The following ATP6V0D1 variants were observed in gnomAD, a reference collection of about 807,000 sequenced individuals.
ATP6V0D1 encodes ATPase H+ transporting V0 subunit d1.
Under a neutral mutation model 39.0 loss-of-function variants are expected in ATP6V0D1, and 13 were observed. That is an observed-to-expected ratio of 0.33 (90% confidence interval 0.22 to 0.53). The LOEUF (loss-of-function observed/expected upper bound fraction) is 0.53, where lower values mean the gene tolerates loss of function less well. Ranked by LOEUF, ATP6V0D1 falls within the 20% of genes least tolerant of loss-of-function variation. The pLI, the probability that ATP6V0D1 is intolerant of heterozygous loss-of-function variation, is 0.94. For missense variants in ATP6V0D1, 272 were observed against 470.9 expected, an observed-to-expected ratio of 0.58 and a Z score of 3.91; for synonymous variants, 191 against 191.2, an observed-to-expected ratio of 1.00 and a Z score of 0.01.
chr16:67,443,308 C>T lies in ATP6V0D1; in HGVS notation c.482-130G>A, dbSNP rs1365365582. 5 of 823,924 alleles carry T rather than the reference C, an allele frequency of 6.1e-6. No individual in the cohort carries two copies. In the East Asian group the frequency reaches 1.3e-4, roughly 21 times the overall value. The allele number at this position is 823,924 out of a possible 1,614,324, so 51.0% of individuals were successfully genotyped here. A position where few individuals can be genotyped will look rare whatever the true frequency, so the allele number is the denominator to read the frequency against. On this transcript the variant is annotated intron_variant, in intron 3 of 7. Transcript: ENST00000290949. ...GGGCTGGGTATTGAGGGGTCCCCAG[C>T]CTAGGCTGTTGCCTTGGAAGTGGCA...
Position 67,453,854 on chromosome 16 carries a change from T to A in ATP6V0D1, c.131-139A>T. On this transcript the variant is annotated intron_variant, in intron 1 of 7. Coordinates refer to ENST00000290949, the MANE Select transcript of ATP6V0D1 (RefSeq NM_004691.5). This position sits in a 1 kb window ranked among gnomAD's most constrained non-coding sequence, Gnocchi z 4.1. ...TACTACCCTGATCTCCATCTCCCTG[T>A]TGGCTCAGGGCCTACCACAGGGCAA... is the stretch of plus-strand genomic sequence containing the variant. 1 of 797,046 alleles carries A rather than the reference T, an allele frequency of 1.3e-6. No individual in the cohort carries two copies. The highest frequency in any genetic ancestry group is 2.0e-6 in the Non-Finnish European group (1 of 506,086). The allele number at this position is 797,046 out of a possible 1,614,324, so 49.4% of individuals were successfully genotyped here. A position where few individuals can be genotyped will look rare whatever the true frequency, so the allele number is the denominator to read the frequency against.
At chr16:67,473,940 C>T (rs2041395341) in intron 1 of ATP6V0D1, among the ~76,000 whole-genome samples, 1 of 152,136 alleles carries the variant, frequency 6.6e-6, no homozygotes, top group African/African-American at 2.4e-5. Flanking sequence ...CAAGCATGAG[C>T]CACCGTTTCT....
intron 2 of ATP6V0D1, among the ~76,000 whole-genome samples, chr16:67,450,538 G>A (rs550592151): frequency 6.6e-6 from 1 of 152,140 alleles, no homozygotes; most frequent in Non-Finnish European, 1.5e-5. Context: ...AAATAGCTAG[G>A]GGGGCTGGGG....
intron 1 of ATP6V0D1, chr16:67,454,535 G>A (rs968414649): frequency 1.3e-5 from 2 of 151,868 alleles, no homozygotes; most frequent in African/African-American, 4.9e-5. Context: ...CTCCCAGAGT[G>A]TTTTGTTTTT....
intron 2 of ATP6V0D1, among the ~76,000 whole-genome samples, chr16:67,450,049 G>A (rs1597572862): frequency 6.6e-6 from 1 of 152,304 alleles, no homozygotes; most frequent in Middle Eastern, 3.4e-3. Flanking sequence ...CCCTAGCTGG[G>A]CCAACTTTGT....
chr16:67,457,694 G>C (rs1365845734), intron 1 of ATP6V0D1: 1 of 1,253,440 alleles, frequency 8.0e-7, no homozygotes, highest in Non-Finnish European at 1.0e-6. Flanking sequence ...AGGGGGCAAA[G>C]CCAAGCAGAG....
chr16:67,439,289 C>T lies in ATP6V0D1; in HGVS notation c.624G>A (p.Met208Ile). The change falls in exon 5 of 8, where the codon ATG (methionine) becomes ATA (isoleucine). Residue 208 changes from methionine to isoleucine, a missense_variant. Around this residue, in one of 4 missense-constraint regions of ATP6V0D1, gnomAD observed 135 missense variants for 273.8 expected, o/e 0.49. Coordinates refer to ENST00000290949, the MANE Select transcript of ATP6V0D1 (RefSeq NM_004691.5). The stretch of plus-strand genomic sequence containing the variant: ...AGGCACTCACCTCCAGGATGGGGCA[C>T]ATGGCATCAGCCGTAGTCCCGCCCA... The part of the protein sequence containing the change: ...TLLGGTTADA[M>I]CPILEFEADR... 6.2e-7 allele frequency: 1 copy of T among 1,614,132 alleles called. No individual in the cohort carries two copies. The highest frequency in any genetic ancestry group is 8.5e-7 in the Non-Finnish European group (1 of 1,180,030).
chr16:67,470,896 C>A (rs747080180), intron 1 of ATP6V0D1, among the ~76,000 whole-genome samples: 3 of 152,168 alleles, frequency 2.0e-5, no homozygotes, highest in Non-Finnish European at 4.4e-5. Context: ...GGTTTCATCT[C>A]CCAAGCTGAT....
rs1206092764 is a variant in ATP6V0D1, at chr16:67,438,780, C to A, written c.894+13G>T. ...GTTGGCCTCCCTCTGACAAGCAGAC[C>A]CTGCAGACTCACCTCGTGCTCAAAG... On this transcript the variant is annotated intron_variant, in intron 7 of 7. Transcript: ENST00000290949. 6.2e-7 allele frequency: 1 copy of A among 1,613,978 alleles called. No individual in the cohort carries two copies. Among genetic ancestry groups the A allele is most frequent in the Non-Finnish European group, 8.5e-7 (1 of 1,180,042 alleles).
chr16:67,445,842 C>A (rs1011088433), intron 2 of ATP6V0D1: 7 of 443,514 alleles, frequency 1.6e-5, no homozygotes, highest in African/African-American at 1.4e-4. Context: ...GGCAGTAAGC[C>A]CCATTCCACA....
intron 1 of ATP6V0D1, among the ~76,000 whole-genome samples, chr16:67,467,322 T>C (rs1353626257): frequency 1.3e-5 from 2 of 152,040 alleles, no homozygotes; most frequent in Non-Finnish European, 2.9e-5. Context: ...CTGGCCAACA[T>C]CGTGAAACCC....
chr16:67,457,741 C>A lies in ATP6V0D1; in HGVS notation c.131-4026G>T, dbSNP rs961683113. 2.7e-5 allele frequency: 23 copies of A among 849,374 alleles called. No individual in the cohort carries two copies. In the African/African-American group the frequency reaches 3.3e-4, roughly 12 times the overall value. 52.6% of individuals were successfully genotyped at this position (849,374 alleles called of 1,614,324 possible). On this transcript the variant is annotated intron_variant, in intron 1 of 7. Coordinates refer to ENST00000290949, the MANE Select transcript of ATP6V0D1 (RefSeq NM_004691.5). The stretch of plus-strand genomic sequence containing the variant: ...GCAGGCCCCCCACTCCTGGGCTCAG[C>A]AAGGGCCTCCAAGCAAACACCCCTG...
intron 1 of ATP6V0D1, among the ~76,000 whole-genome samples, chr16:67,470,034 T>C (rs181283334): frequency 1.8e-4 from 28 of 152,322 alleles, no homozygotes; most frequent in Admixed American, 3.9e-4. Flanking sequence ...CTTCATGCTT[T>C]TGAGCACTCT....
chr16:67,452,487 G>T (rs1341381763), intron 2 of ATP6V0D1: 2 of 1,252,756 alleles, frequency 1.6e-6, no homozygotes, highest in Non-Finnish European at 2.2e-6. Context: ...GCAGGGACAA[G>T]TGGGGCAGGT....
chr16:67,438,109 C>A lies in ATP6V0D1; in HGVS notation c.*419G>T. The A allele has an allele frequency of 4.7e-6, 1 of 212,406 alleles. No homozygotes were observed. Among genetic ancestry groups the A allele is most frequent in the Non-Finnish European group, 9.6e-6 (1 of 104,374 alleles). The allele number at this position is 212,406 out of a possible 1,614,324, so 13.2% of individuals were successfully genotyped here. A position where few individuals can be genotyped will look rare whatever the true frequency, so the allele number is the denominator to read the frequency against. On this transcript the variant is annotated 3_prime_UTR_variant, in exon 8 of 8. Coordinates refer to ENST00000290949, the MANE Select transcript of ATP6V0D1 (RefSeq NM_004691.5). ...AACATCCCCCCAGGCCCCAAGGACA[C>A]ACACACTCTGTCCTTCCCATGGGCC...
At position 67,461,693 on chromosome 16, in the gene ATP6V0D1, G is replaced by A. The variant is rs575212383; in HGVS notation, c.131-7978C>T. The stretch of plus-strand genomic sequence containing the variant: ...GACCTACATTTTGTTTCATGCTAGA[G>A]GTTTTTCAGTGAGGTGAGGCACTCA... On this transcript the variant is annotated intron_variant, in intron 1 of 7. Transcript: ENST00000290949. Among the ~76,000 whole-genome samples the A allele has an allele frequency of 9.8e-5, 15 of 152,326 alleles. No homozygotes were observed. The South Asian group carries it at 2.7e-3, about 27-fold the overall frequency.
rs1040221844 is a variant in ATP6V0D1 at position 67,456,444 on chromosome 16, A to G, written c.131-2729T>C. 5 of 152,240 alleles carry G rather than the reference A, an allele frequency of 3.3e-5. No homozygotes were observed. 9.4% of individuals were successfully genotyped at this position (152,240 alleles called of 1,614,324 possible). The stretch of plus-strand genomic sequence containing the variant: ...GAAGCCTTCTTAATTTATCAAAGTC[A>G]TGTTCATGCTCTGATTTTATATACT... On this transcript the variant is annotated intron_variant, in intron 1 of 7. Transcript: ENST00000290949. The surrounding 1 kb of genome is among the most constrained non-coding windows in gnomAD (Gnocchi z 4.1).
At chr16:67,478,314 T>C (rs979121997) in intron 1 of ATP6V0D1, among the ~76,000 whole-genome samples, 1 of 151,982 alleles carries the variant, frequency 6.6e-6, no homozygotes, top group Non-Finnish European at 1.5e-5. Context: ...ATATGAGGGA[T>C]AGAAATGTGT....
intron 1 of ATP6V0D1, among the ~76,000 whole-genome samples, chr16:67,473,505 C>A (rs921675824): frequency 1.3e-5 from 2 of 151,914 alleles, no homozygotes; most frequent in African/African-American, 2.4e-5. Context: ...CCCGCCACTA[C>A]GCCCAACTAA....
Sources: gnomAD v4.1 joint callset for allele counts (sites outside exome capture counted in the v4.1 genomes callset) on GRCh38, gnomAD v4.1.1 for gene constraint, gnomAD v4.1.1 regional missense constraint, Gnocchi (gnomAD v3.1) non-coding constraint, MANE v1.5 for transcripts, NCBI Gene and HGNC (gene_info 2026-07-23, HGNC 2026-07-21) for gene names.